C1orf21: variants seen among roughly 807,000 people sequenced by gnomAD.
C1orf21 encodes the protein uncharacterized protein C1orf21.
Under a neutral mutation model 18.7 loss-of-function variants are expected in C1orf21, and 3 were observed. The observed-to-expected ratio is 0.16, with a 90% CI of 0.07 to 0.42. The LOEUF is 0.42. Among genes scored for constraint, C1orf21 ranks in the 10% least tolerant of loss-of-function variants. The pLI is 0.99. For synonymous variants in C1orf21, 41 were observed against 46.4 expected (o/e 0.88, Z 0.47); for missense variants, 104 against 143.6 (o/e 0.72, Z 1.41).
chr1:184,418,484 GATTA>G (rs1656495346), intron 1 of C1orf21, among the ~76,000 whole-genome samples: 1 of 152,216 alleles, frequency 6.6e-6, no homozygotes, highest in Non-Finnish European at 1.5e-5. Context: ...AAAGTGCTGT[GATTA>G]CAGGCTTGAA....
At chr1:184,445,787 T>C (rs1023069924) in intron 1 of C1orf21, among the ~76,000 whole-genome samples, 14 of 152,146 alleles carry the variant, frequency 9.2e-5, no homozygotes, top group African/African-American at 3.1e-4. Flanking sequence ...AAAGTTTTAG[T>C]TCCTATGAAA....
intron 1 of C1orf21, among the ~76,000 whole-genome samples, chr1:184,456,575 A>G (rs1657201737): frequency 1.4e-5 from 2 of 147,922 alleles, no homozygotes; most frequent in Admixed American, 6.6e-5. Context: ...CTCTTTAGAA[A>G]CAGTTATGAT....
intron 3 of C1orf21, among the ~76,000 whole-genome samples, chr1:184,524,749 A>G (rs1658353979): frequency 6.6e-6 from 1 of 152,072 alleles, no homozygotes; most frequent in African/African-American, 2.4e-5. Flanking sequence ...TCATTCAACA[A>G]ATTTCAAACC....
chr1:184,550,455 A>C (rs572748150), intron 3 of C1orf21, among the ~76,000 whole-genome samples: 1 of 152,352 alleles, frequency 6.6e-6, no homozygotes, highest in South Asian at 2.1e-4. Flanking sequence ...CAGGAGTTAC[A>C]GCAGTAGACC....
At chr1:184,509,672 G>A (rs931089175) in intron 3 of C1orf21, among the ~76,000 whole-genome samples, 4 of 151,714 alleles carry the variant, frequency 2.6e-5, no homozygotes, top group African/African-American at 9.7e-5. Context: ...ATTGGAAGGT[G>A]GATAAAATAG....
At chr1:184,476,328 C>T (rs1314630949) in intron 1 of C1orf21, among the ~76,000 whole-genome samples, 1 of 152,098 alleles carries the variant, frequency 6.6e-6, no homozygotes, top group African/African-American at 2.4e-5. Flanking sequence ...GGCTTGATGC[C>T]TTCTTTGTTC....
chr1:184,625,006 C>G lies in C1orf21; in HGVS notation c.*5450C>G, dbSNP rs944459282. On this transcript the variant is annotated 3_prime_UTR_variant, in exon 6 of 6. Transcript: ENST00000235307. Reference sequence around the variant, plus strand: ...AAATCTGGCCCCCAAGATCCTGCTTCTTTCTAACCTGGCAGCTGTCATGTC... The same window carrying G: ...AAATCTGGCCCCCAAGATCCTGCTTGTTTCTAACCTGGCAGCTGTCATGTC... 5 of 152,334 alleles carry G rather than the reference C, an allele frequency of 3.3e-5. No homozygotes were observed. Among genetic ancestry groups the G allele is most frequent in the Admixed American group, 3.3e-4 (5 of 15,298 alleles). The allele number at this position is 152,334 out of a possible 1,614,324, so 9.4% of individuals were successfully genotyped here.
chr1:184,500,901 G>GC (rs1478035741), intron 2 of C1orf21, among the ~76,000 whole-genome samples: 1 of 152,100 alleles, frequency 6.6e-6, no homozygotes. Flanking sequence ...CATACCCCCA[G>GC]CCCCCCGGCA....
chr1:184,591,162 C>A (rs1017026382), intron 4 of C1orf21, among the ~76,000 whole-genome samples: 1 of 152,110 alleles, frequency 6.6e-6, no homozygotes, highest in Non-Finnish European at 1.5e-5. Flanking sequence ...ACCAATCCCC[C>A]ACAGATACCA....
At position 184,577,947 on chromosome 1, in the gene C1orf21, G is replaced by GTTTTGTTTTTTTTTTTTTTT. The variant is rs1571285782; in HGVS notation, c.190-12788_190-12787insGTTTTTTTTTTTTTTTTTTT. On this transcript the variant is annotated intron_variant, in intron 3 of 5. Coordinates refer to ENST00000235307, the MANE Select transcript of C1orf21 (RefSeq NM_030806.4). ...TCTTTGTCCGTTTGTTTTTTGTTTTGTTTTTGTTTTTTTTTTTTTTTTTTG... is the reference window on the plus strand; with the variant it reads ...TCTTTGTCCGTTTGTTTTTTGTTTTGTTTTGTTTTTTTTTTTTTTTTTTTTGTTTTTTTTTTTTTTTTTTG... 5.8e-5 allele frequency among the ~76,000 whole-genome samples: 5 copies of GTTTTGTTTTTTTTTTTTTTT among 86,750 alleles called. 1 individual carries two copies. The highest frequency in any genetic ancestry group is 3.6e-4 in the South Asian group (1 of 2,802). The allele number at this position is 86,750 out of a possible 152,430, so 56.9% of individuals were successfully genotyped here. A position where few individuals can be genotyped will look rare whatever the true frequency, so the allele number is the denominator to read the frequency against.
intron 1 of C1orf21, among the ~76,000 whole-genome samples, chr1:184,439,175 C>G (rs1228669556): frequency 6.6e-6 from 1 of 152,088 alleles, no homozygotes; most frequent in African/African-American, 2.4e-5. Flanking sequence ...CACACCACTG[C>G]ACTCCAGCCT....
intron 5 of C1orf21, among the ~76,000 whole-genome samples, chr1:184,603,503 A>T (rs1659611300): frequency 6.6e-6 from 1 of 152,200 alleles, no homozygotes; most frequent in African/African-American, 2.4e-5. Context: ...ATTTTAAAAG[A>T]TGTTTGTTTG....
At chr1:184,492,466 C>G (rs1424961380) in intron 2 of C1orf21, among the ~76,000 whole-genome samples, 1 of 152,110 alleles carries the variant, frequency 6.6e-6, no homozygotes, top group Non-Finnish European at 1.5e-5. Context: ...TTGTTGATTG[C>G]TCTCAGAAAA....
intron 1 of C1orf21, among the ~76,000 whole-genome samples, chr1:184,394,395 G>A (rs972438329): frequency 3.3e-5 from 5 of 152,186 alleles, no homozygotes; most frequent in Non-Finnish European, 5.9e-5. Context: ...GTGAGGAAAG[G>A]CGATTGAGAA....
rs12564257 is a variant in C1orf21 at position 184,537,667 on chromosome 1, T to G, written c.189+29985T>G. 8.7e-4 allele frequency among the ~76,000 whole-genome samples: 132 copies of G among 152,302 alleles called. 3 individuals are homozygous for G. The East Asian group carries it at 0.022, about 25-fold the overall frequency. ...AATTCTTTTTATTTTTTCTTTTTTT[T>G]GAGACAGAGTCTCACTCTCCTTGCC... On this transcript the variant is annotated intron_variant, in intron 3 of 5. Transcript: ENST00000235307.
At chr1:184,512,805 C>A (rs1460328422) in intron 3 of C1orf21, among the ~76,000 whole-genome samples, 1 of 152,230 alleles carries the variant, frequency 6.6e-6, no homozygotes, top group Admixed American at 6.5e-5. Context: ...AGACCCTGGA[C>A]CAGTACCAGT....
intron 1 of C1orf21, among the ~76,000 whole-genome samples, chr1:184,444,944 GGAT>G (rs1657006723): frequency 6.6e-6 from 1 of 152,048 alleles, no homozygotes; most frequent in Non-Finnish European, 1.5e-5. Flanking sequence ...TTAACACCTG[GGAT>G]GAATATAATA....
rs6680854 is a variant in C1orf21 at position 184,627,113 on chromosome 1, C to T, written c.*7557C>T. ...ACAAATTGTATGCAAGTGGAAAATA[C>T]CCATAGGCCTAGACAGCTGTGGAGG... On this transcript the variant is annotated 3_prime_UTR_variant, in exon 6 of 6. Coordinates refer to ENST00000235307, the MANE Select transcript of C1orf21 (RefSeq NM_030806.4). The T allele has an allele frequency of 6.6e-6, 1 of 152,412 alleles. No individual in the cohort carries two copies. Among genetic ancestry groups the T allele is most frequent in the Non-Finnish European group, 1.5e-5 (1 of 68,016 alleles). The allele number at this position is 152,412 out of a possible 1,614,324, so 9.4% of individuals were successfully genotyped here. A position where few individuals can be genotyped will look rare whatever the true frequency, so the allele number is the denominator to read the frequency against.
intron 3 of C1orf21, among the ~76,000 whole-genome samples, chr1:184,547,553 T>C (rs1397443284): frequency 6.6e-6 from 1 of 151,898 alleles, no homozygotes; most frequent in Non-Finnish European, 1.5e-5. Flanking sequence ...AGGGAAGCTC[T>C]GTTTCCTTCC....
Sources: gnomAD v4.1 joint callset for allele counts (sites outside exome capture counted in the v4.1 genomes callset) on GRCh38, gnomAD v4.1.1 for gene constraint, MANE v1.5 for transcripts, NCBI Gene and HGNC (gene_info 2026-07-23, HGNC 2026-07-21) for gene names.